The following TBC1D8B variants were observed in gnomAD, a reference collection of about 807,000 sequenced individuals.
TBC1D8B encodes the protein RP11-321G1.1.
In TBC1D8B, 75 loss-of-function variants were observed where a neutral mutation model predicts 82.9. The observed-to-expected ratio is 0.90, with a 90% CI of 0.75 to 1.10. The LOEUF (loss-of-function observed/expected upper bound fraction) is 1.10. Among genes scored for constraint, TBC1D8B ranks in the 50% least tolerant of loss-of-function variants. The probability of loss-of-function intolerance (pLI) is 0.00; values close to 1 mark genes in which losing one functional copy is unlikely to be tolerated. For missense variants in TBC1D8B, 794 were observed against 796.9 expected, an observed-to-expected ratio of 1.00 and a Z score of 0.04; for synonymous variants, 276 against 276.8, an observed-to-expected ratio of 1.00 and a Z score of 0.03.
At chrX:106,829,318 T>G (rs1390661711) in intron 7 of TBC1D8B, 1 of 106,202 alleles carries the variant, frequency 9.4e-6, no homozygotes, top group Non-Finnish European at 1.9e-5. Context: ...AGAAGAAAAT[T>G]CCATGCTCAT....
At chrX:106,859,972 C>T (rs1932758606) in intron 14 of TBC1D8B, among the ~76,000 whole-genome samples, 1 of 111,217 alleles carries the variant, frequency 9.0e-6, no homozygotes, top group African/African-American at 3.3e-5. Context: ...TGTTTTAGTT[C>T]GTTTTTGTGA....
At chrX:106,872,351 G>A (rs1302396986) in intron 20 of TBC1D8B, among the ~76,000 whole-genome samples, 14 of 94,908 alleles carry the variant, frequency 1.5e-4, no homozygotes, top group Non-Finnish European at 6.3e-5. Flanking sequence ...GGGAGGGGGA[G>A]GGGGAAGGAA....
rs1454522197 is a variant in TBC1D8B at position 106,826,032 on chromosome X, G to A, written c.830G>A (p.Gly277Asp). 3 of 1,206,559 alleles carry A rather than the reference G, an allele frequency of 2.5e-6. No homozygotes were observed. The highest frequency in any genetic ancestry group is 3.0e-5 in the East Asian group (1 of 33,659). ...ATCCCATTTTTTCTTTCCTACAGAG[G>A]TCTGGAAAATAGAGCCCACAGTGAG... ...LYNPLQITKR[G>D]LENRAHSEQF... Residue 277 changes from glycine (G) to aspartate (D), a missense_variant and splice_region_variant, in exon 6 of 21, where the codon GGT becomes GAT. Gly to Asp is a moderately conservative substitution (Grantham distance 94). Coordinates refer to ENST00000357242, the MANE Select transcript of TBC1D8B (RefSeq NM_017752.3).
At chrX:106,834,552 C>T (rs1932125514) in intron 7 of TBC1D8B, among the ~76,000 whole-genome samples, 1 of 111,468 alleles carries the variant, frequency 9.0e-6, no homozygotes, top group African/African-American at 3.3e-5. Context: ...AGTCTTAATT[C>T]ATTCCCATAT....
At position 106,851,791 on chromosome X, in the gene TBC1D8B, C is replaced by T. The variant is rs1932591118; in HGVS notation, c.2123+1481C>T. Among the ~76,000 whole-genome samples, 3 of 112,295 alleles carry T rather than the reference C, an allele frequency of 2.7e-5. No homozygotes were observed. In the South Asian group the frequency reaches 1.1e-3, roughly 42 times the overall value. On this transcript the variant is annotated intron_variant, in intron 12 of 20. Transcript: ENST00000357242. ...AGTATTCCATGGTGTACATGTGCCA[C>T]ATTTTCTTAATCCAGTCTATCGTTG...
intron 1 of TBC1D8B, chrX:106,814,822 T>C (rs1488896719): frequency 3.6e-5 from 4 of 112,119 alleles, no homozygotes; most frequent in Admixed American, 9.4e-5. Context: ...TTTCATGTGT[T>C]TTTTGGCTGC....
At chrX:106,811,211 A>G (rs968539874) in intron 1 of TBC1D8B, among the ~76,000 whole-genome samples, 3 of 111,317 alleles carry the variant, frequency 2.7e-5, no homozygotes, top group African/African-American at 9.8e-5. Context: ...TTACTACACT[A>G]TAAAGAACTG....
At chrX:106,825,765 A>G (rs757419304) in intron 5 of TBC1D8B, among the ~76,000 whole-genome samples, 1 of 111,241 alleles carries the variant, frequency 9.0e-6, no homozygotes, top group Non-Finnish European at 1.9e-5. Flanking sequence ...CCCCTTAGAG[A>G]TAGTTTGAAG....
intron 1 of TBC1D8B, among the ~76,000 whole-genome samples, chrX:106,816,404 T>C (rs1931542706): frequency 9.0e-6 from 1 of 111,428 alleles, no homozygotes; most frequent in South Asian, 3.7e-4. Context: ...TCTTTTTACT[T>C]TACCAAATCT....
chrX:106,848,833 G>C (rs898650783), intron 11 of TBC1D8B, among the ~76,000 whole-genome samples: 6 of 109,634 alleles, frequency 5.5e-5, no homozygotes, highest in Non-Finnish European at 9.5e-5. Flanking sequence ...GCTGGAGTGC[G>C]GCCTCGGCTT....
chrX:106,839,173 A>T, intron 7 of TBC1D8B, 135 bp from the exon 8 acceptor site: 1 of 651,533 alleles, frequency 1.5e-6, no homozygotes, highest in Non-Finnish European at 2.1e-6. Context: ...TTTGATAGGT[A>T]TGTCTCTGAG....
At chrX:106,821,894 G>T in intron 3 of TBC1D8B, 83 bp from the exon 4 acceptor site, 1 of 797,162 alleles carries the variant, frequency 1.3e-6, no homozygotes, top group South Asian at 2.6e-5. Flanking sequence ...CTGTACAATT[G>T]TATTCAATCA....
At chrX:106,858,281 T>C (rs1932736148) in intron 14 of TBC1D8B, among the ~76,000 whole-genome samples, 1 of 111,539 alleles carries the variant, frequency 9.0e-6, no homozygotes, top group Admixed American at 9.5e-5. Context: ...TTGTTTTTTG[T>C]TTTTGTTTTG....
intron 7 of TBC1D8B, among the ~76,000 whole-genome samples, chrX:106,834,759 C>G (rs746483895): frequency 1.8e-5 from 2 of 112,070 alleles, no homozygotes; most frequent in East Asian, 5.7e-4. Context: ...TGAAATCCAG[C>G]GGGGCAGCCA....
rs745783209 is a variant in TBC1D8B at position 106,866,807 on chromosome X, C to T, written c.2673C>T (p.Tyr891=). ...KEFSSAIDIM[Y]NGSFTEKLKL... is the part of the protein sequence containing the mutation. ...AATTTTATTGAACAGACATAATGTA[C>T]AATGGAAGTTTTACTGAGAAGCTTA... is the stretch of plus-strand genomic sequence containing the variant. Residue 891 remains tyrosine, a synonymous_variant, in exon 17 of 21, where the codon TAC becomes TAT. Coordinates refer to ENST00000357242, the MANE Select transcript of TBC1D8B (RefSeq NM_017752.3). The T allele has an allele frequency of 1.7e-6, 2 of 1,172,040 alleles. No homozygotes were observed. Among genetic ancestry groups the T allele is most frequent in the Admixed American group, 4.7e-5 (2 of 42,566 alleles).
chrX:106,849,799 A>G (rs1932549628), intron 11 of TBC1D8B: 1 of 954,198 alleles, frequency 1.0e-6, no homozygotes, highest in Non-Finnish European at 1.3e-6. Context: ...GTCTCTGCAT[A>G]TAATAAAGAC....
intron 10 of TBC1D8B, among the ~76,000 whole-genome samples, chrX:106,844,468 AT>A (rs1415765455): frequency 9.8e-6 from 1 of 101,951 alleles, no homozygotes; most frequent in Admixed American, 1.1e-4. Context: ...TGATCATGTT[AT>A]TTTTTCCATA....
intron 14 of TBC1D8B, among the ~76,000 whole-genome samples, chrX:106,862,728 T>C (rs1219653287): frequency 2.8e-5 from 3 of 108,320 alleles, no homozygotes; most frequent in Admixed American, 2.0e-4. Flanking sequence ...CGTGAGCTGA[T>C]ATTCCTTTAA....
chrX:106,861,291 C>G (rs1291943905), intron 14 of TBC1D8B, among the ~76,000 whole-genome samples: 1 of 111,317 alleles, frequency 9.0e-6, no homozygotes, highest in Non-Finnish European at 1.9e-5. Context: ...AGTTTTCTGC[C>G]TTGATGATAT....
Sources: gnomAD v4.1 joint callset for allele counts (sites outside exome capture counted in the v4.1 genomes callset) on GRCh38, gnomAD v4.1.1 for gene constraint, MANE v1.5 for transcripts, NCBI Gene and HGNC (gene_info 2026-07-23, HGNC 2026-07-21) for gene names.